The following CERS6 variants were observed in gnomAD, a reference collection of about 807,000 sequenced individuals.
The protein encoded by CERS6 is LAG1 homolog, ceramide synthase 6.
In CERS6, 26 loss-of-function variants were observed where a neutral mutation model predicts 56.8. The observed-to-expected ratio is 0.46, with a 90% CI of 0.34 to 0.63. The LOEUF is 0.63. CERS6 is among the 30% of genes least tolerant of loss of function. CERS6 has a pLI of 0.01. For missense variants in CERS6, 415 were observed against 467.5 expected (o/e 0.89, Z 1.04); for synonymous variants, 164 against 173.3 (o/e 0.95, Z 0.42).
chr2:168,528,737 A>G (rs1275570462), intron 1 of CERS6, among the ~76,000 whole-genome samples: 1 of 152,208 alleles, frequency 6.6e-6, no homozygotes, highest in Non-Finnish European at 1.5e-5. Flanking sequence ...AACAGGAGAA[A>G]GCAGCCAAAT....
chr2:168,718,582 T>C (rs990509462), intron 8 of CERS6, among the ~76,000 whole-genome samples: 1 of 152,264 alleles, frequency 6.6e-6, no homozygotes, highest in Non-Finnish European at 1.5e-5. Flanking sequence ...CTTTGAATTA[T>C]ATCCAAAGTC....
chr2:168,732,333 TG>T (rs1553514304), intron 8 of CERS6, among the ~76,000 whole-genome samples: 1 of 152,234 alleles, frequency 6.6e-6, no homozygotes, highest in Non-Finnish European at 1.5e-5. Flanking sequence ...TCTCCCTTTA[TG>T]TGCTCAGTCC....
chr2:168,703,304 C>T (rs970485812), intron 6 of CERS6, among the ~76,000 whole-genome samples: 1 of 152,126 alleles, frequency 6.6e-6, no homozygotes, highest in Non-Finnish European at 1.5e-5. Context: ...TGCCTGTAAT[C>T]CCAGCACTTT....
Position 168,657,792 on chromosome 2 carries a change from C to T in CERS6, c.465+26750C>T, listed in dbSNP as rs113651194. 1.3e-5 allele frequency among the ~76,000 whole-genome samples: 2 copies of T among 152,348 alleles called. 1 individual carries two copies. Among genetic ancestry groups the T allele is most frequent in the African/African-American group, 4.8e-5 (2 of 41,588 alleles). The stretch of plus-strand genomic sequence containing the variant: ...CTCCAGCTGGCCCGCAAGCGCCGCA[C>T]GCAGCCCCGGTTCCCGCTCGTGCCT... On this transcript the variant is annotated intron_variant, in intron 4 of 9. Transcript: ENST00000305747.
intron 3 of CERS6, among the ~76,000 whole-genome samples, chr2:168,570,236 G>T (rs963473028): frequency 6.6e-6 from 1 of 152,132 alleles, no homozygotes; most frequent in Non-Finnish European, 1.5e-5. Context: ...CATTACTCAC[G>T]CACAAGAAAA....
chr2:168,587,351 G>A (rs1315823159), intron 3 of CERS6, among the ~76,000 whole-genome samples: 1 of 152,186 alleles, frequency 6.6e-6, no homozygotes, highest in African/African-American at 2.4e-5. Context: ...GACCTGAGGA[G>A]ATCATATCCT....
intron 8 of CERS6, among the ~76,000 whole-genome samples, chr2:168,721,145 AC>A (rs1303260010): frequency 6.6e-6 from 1 of 151,942 alleles, no homozygotes; most frequent in African/African-American, 2.4e-5. Flanking sequence ...GCAACCACTA[AC>A]CTGCTTGCTG....
At chr2:168,744,384 G>A (rs546247894) in intron 8 of CERS6, among the ~76,000 whole-genome samples, 1 of 150,670 alleles carries the variant, frequency 6.6e-6, no homozygotes, top group South Asian at 2.1e-4. Context: ...TTTTTTTTCA[G>A]GCTATCAGCT....
intron 1 of CERS6, among the ~76,000 whole-genome samples, chr2:168,535,035 G>A (rs540542889): frequency 2.0e-5 from 3 of 152,348 alleles, no homozygotes; most frequent in Admixed American, 6.5e-5. Flanking sequence ...TCGGGGACAC[G>A]TCTTGGGACC....
At chr2:168,473,941 C>T (rs1414232532) in intron 1 of CERS6, among the ~76,000 whole-genome samples, 1 of 151,996 alleles carries the variant, frequency 6.6e-6, no homozygotes, top group Non-Finnish European at 1.5e-5. Context: ...ACCTGTAGTC[C>T]CAGCTACTCA....
intron 4 of CERS6, among the ~76,000 whole-genome samples, chr2:168,637,559 TA>T (rs1172472097): frequency 6.6e-6 from 1 of 152,154 alleles, no homozygotes; most frequent in East Asian, 1.9e-4. Context: ...CAACTTGTGA[TA>T]ATGTGGAGGT....
intron 1 of CERS6, among the ~76,000 whole-genome samples, chr2:168,533,183 G>T (rs893716894): frequency 6.6e-6 from 1 of 152,074 alleles, no homozygotes; most frequent in Non-Finnish European, 1.5e-5. Flanking sequence ...ATTGATTTTC[G>T]CATGAATGTT....
chr2:168,656,947 G>C (rs1303548842), intron 4 of CERS6, among the ~76,000 whole-genome samples: 1 of 152,126 alleles, frequency 6.6e-6, no homozygotes, highest in Non-Finnish European at 1.5e-5. Context: ...GGTTCTCCAA[G>C]GCCTCACCAG....
chr2:168,620,760 CTTT>C (rs112105394), intron 3 of CERS6, among the ~76,000 whole-genome samples: 43 of 130,622 alleles, frequency 3.3e-4, no homozygotes, highest in African/African-American at 6.1e-4. Context: ...GGAAATTCAC[CTTT>C]TTTTTTTTTT....
chr2:168,668,564 A>G (rs1369567086), intron 4 of CERS6, among the ~76,000 whole-genome samples: 1 of 151,036 alleles, frequency 6.6e-6, no homozygotes, highest in Non-Finnish European at 1.5e-5. Flanking sequence ...CTCCTGCCTC[A>G]GTCTCACGAG....
At chr2:168,665,952 CTGTGTGTGTG>C (rs58913968) in intron 4 of CERS6, among the ~76,000 whole-genome samples, 2,726 of 143,272 alleles carry the variant, frequency 0.019, 69 homozygotes, top group East Asian at 0.06. Context: ...AATTAGTAGA[CTGTGTGTGTG>C]TGTGTGTGTG....
chr2:168,565,577 A>G (rs1695870357), intron 3 of CERS6, among the ~76,000 whole-genome samples: 1 of 152,224 alleles, frequency 6.6e-6, no homozygotes, highest in Non-Finnish European at 1.5e-5. Flanking sequence ...GGATAATTGT[A>G]TTTCATCTTT....
chr2:168,551,356 G>A, intron 2 of CERS6, among the ~76,000 whole-genome samples: 1 of 152,182 alleles, frequency 6.6e-6, no homozygotes, highest in East Asian at 1.9e-4. Flanking sequence ...TACTCCTATT[G>A]TAAATGTCAA....
chr2:168,533,011 A>G (rs1165957839), intron 1 of CERS6, among the ~76,000 whole-genome samples: 1 of 152,262 alleles, frequency 6.6e-6, no homozygotes, highest in Non-Finnish European at 1.5e-5. Context: ...AATTTAAAGT[A>G]GTACAGAAAA....
Sources: gnomAD v4.1 joint callset for allele counts (sites outside exome capture counted in the v4.1 genomes callset) on GRCh38, gnomAD v4.1.1 for gene constraint, MANE v1.5 for transcripts, NCBI Gene and HGNC (gene_info 2026-07-23, HGNC 2026-07-21) for gene names.